The following CTIF variants were observed in gnomAD, a reference collection of about 807,000 sequenced individuals.
The protein encoded by CTIF is cap binding complex dependent translation initiation factor.
A neutral mutation model predicts 66.0 loss-of-function variants in CTIF; 21 were observed. That is an observed-to-expected ratio of 0.32 (90% confidence interval 0.23 to 0.46). The LOEUF (loss-of-function observed/expected upper bound fraction) is 0.46, where lower values mean the gene tolerates loss of function less well. Ranked by LOEUF, CTIF falls within the 20% of genes least tolerant of loss-of-function variation. The pLI is 1.00. For missense variants in CTIF, 739 were observed against 812.7 expected, an observed-to-expected ratio of 0.91 and a Z score of 1.10; for synonymous variants, 345 against 326.4, an observed-to-expected ratio of 1.06 and a Z score of -0.62.
intron 9 of CTIF, among the ~76,000 whole-genome samples, chr18:48,794,775 C>G (rs2067874208): frequency 6.6e-6 from 1 of 152,146 alleles, no homozygotes; most frequent in Non-Finnish European, 1.5e-5. Context: ...CCTGATTGTT[C>G]AGCAGATTTC....
chr18:48,756,062 A>G (rs984247429), intron 7 of CTIF: 29 of 152,318 alleles, frequency 1.9e-4, no homozygotes, highest in African/African-American at 6.7e-4. Flanking sequence ...GAGCCCCAAC[A>G]AAAGTCCACT....
chr18:48,644,447 C>A (rs977722054), intron 3 of CTIF, among the ~76,000 whole-genome samples: 2 of 152,234 alleles, frequency 1.3e-5, no homozygotes, highest in African/African-American at 4.8e-5. Flanking sequence ...TTCCCCTTAA[C>A]ATTCCTCCCA....
chr18:48,649,119 G>T (rs1284310568), intron 3 of CTIF, among the ~76,000 whole-genome samples: 2 of 152,184 alleles, frequency 1.3e-5, no homozygotes, highest in African/African-American at 4.8e-5. Context: ...AGTGGACGCA[G>T]CCCACAGAAG....
chr18:48,855,577 T>C (rs547683714), intron 10 of CTIF, among the ~76,000 whole-genome samples: 1 of 152,292 alleles, frequency 6.6e-6, no homozygotes, highest in East Asian at 1.9e-4. Flanking sequence ...GCGTCCAACA[T>C]CTCCTAAGCG....
At chr18:48,796,156 C>A (rs550591594) in intron 9 of CTIF, among the ~76,000 whole-genome samples, 3 of 152,040 alleles carry the variant, frequency 2.0e-5, no homozygotes, top group African/African-American at 7.3e-5. Flanking sequence ...CCACCATGCC[C>A]GGCTAATTTT....
In CTIF at chr18:48,761,635, G is replaced by A. The variant is rs777040402; in HGVS notation, c.1317G>A (p.Ala439=). 1.7e-5 allele frequency: 27 copies of A among 1,613,934 alleles called. No individual in the cohort carries two copies. The highest frequency in any genetic ancestry group is 1.6e-4 in the Middle Eastern group (1 of 6,082). ...CTGCCAAGCTCTGCGACAAGATGGC[G>A]CTCTTTATGGTGGAGGGGACCAAGT... ...FTAAKLCDKM[A]LFMVEGTKFR... Residue 439 remains alanine (A), a synonymous_variant, in exon 9 of 12, where the codon GCG becomes GCA. Transcript: ENST00000256413. The surrounding 1 kb of genome is among the most constrained non-coding windows in gnomAD (Gnocchi z 4.2).
intron 1 of CTIF, among the ~76,000 whole-genome samples, chr18:48,602,846 G>GATGA (rs1162158912): frequency 7.4e-6 from 1 of 135,272 alleles, no homozygotes; most frequent in Non-Finnish European, 1.6e-5. Flanking sequence ...TGGATGGATG[G>GATGA]ATGAATGGAT....
intron 9 of CTIF, among the ~76,000 whole-genome samples, chr18:48,771,340 A>G (rs1910094414): frequency 6.6e-6 from 1 of 152,224 alleles, no homozygotes; most frequent in South Asian, 2.1e-4. Context: ...TTCATCAGGC[A>G]TCAGCTGGCT....
At position 48,813,389 on chromosome 18, in the gene CTIF, T is replaced by C. The variant is rs371598219; in HGVS notation, c.1372-3832T>C. Among the ~76,000 whole-genome samples the C allele has an allele frequency of 1.4e-3, 206 of 152,378 alleles. 7 individuals are homozygous for C. In the South Asian group the frequency reaches 0.042, roughly 31 times the overall value. On this transcript the variant is annotated intron_variant, in intron 9 of 11. Transcript: ENST00000256413. Reference sequence around the variant, plus strand: ...ATTAATATGTTCAGAGTTACACATTTCCATTAAGTTTTCACGACACTGCTC... The same window carrying C: ...ATTAATATGTTCAGAGTTACACATTCCCATTAAGTTTTCACGACACTGCTC...
rs573239698 is a variant in CTIF, at chr18:48,749,732, T to C, written c.585-8187T>C. On this transcript the variant is annotated intron_variant, in intron 7 of 11. Transcript: ENST00000256413. ...TAAGGCACAGAGCAGTTAAGGAACT[T>C]GCCCAAAGTTGCACAGCTAAAAGTG... 1.1e-4 allele frequency among the ~76,000 whole-genome samples: 16 copies of C among 152,354 alleles called. No individual in the cohort carries two copies. The South Asian group carries it at 1.9e-3, about 18-fold the overall frequency.
chr18:48,712,925 G>T (rs190580948), intron 7 of CTIF, among the ~76,000 whole-genome samples: 1 of 152,346 alleles, frequency 6.6e-6, no homozygotes, highest in Admixed American at 6.5e-5. Context: ...TGTATAAGTA[G>T]CTTGGGAAGA....
At chr18:48,687,699 G>A (rs566425627) in intron 6 of CTIF, among the ~76,000 whole-genome samples, 54 of 152,306 alleles carry the variant, frequency 3.5e-4, no homozygotes, top group African/African-American at 1.3e-3. Context: ...CCAGAGAATC[G>A]TTGCTGAAAT....
chr18:48,601,513 G>A (rs1366437571), intron 1 of CTIF, among the ~76,000 whole-genome samples: 2 of 152,208 alleles, frequency 1.3e-5, no homozygotes, highest in East Asian at 3.9e-4. Context: ...AAAACATCTG[G>A]CCAGCCTCAT....
chr18:48,725,535 C>T (rs1472660192), intron 7 of CTIF, among the ~76,000 whole-genome samples: 1 of 152,136 alleles, frequency 6.6e-6, no homozygotes, highest in Admixed American at 6.5e-5. Flanking sequence ...CCACCACCCC[C>T]TTAGGGTGAG....
rs371237868 is a variant in CTIF at position 48,862,406 on chromosome 18, G to A, written c.*2847G>A. 10 of 152,690 alleles carry A rather than the reference G, an allele frequency of 6.5e-5. No individual in the cohort carries two copies. Among genetic ancestry groups the A allele is most frequent in the Admixed American group, 3.9e-4 (6 of 15,298 alleles). 9.5% of individuals were successfully genotyped at this position (152,690 alleles called of 1,614,324 possible). ...GTTAGTCATTGTTTTTCTCCGAGGC[G>A]GCCTGCTTGCCACAGCCCTGCTCCC... On this transcript the variant is annotated 3_prime_UTR_variant, in exon 12 of 12. Coordinates refer to ENST00000256413, the MANE Select transcript of CTIF (RefSeq NM_014772.3).
chr18:48,830,860 C>G (rs1306379600), intron 10 of CTIF, among the ~76,000 whole-genome samples: 1 of 152,036 alleles, frequency 6.6e-6, no homozygotes, highest in Non-Finnish European at 1.5e-5. Context: ...TGTCTCTCAA[C>G]TAGCATGGAA....
intron 9 of CTIF, among the ~76,000 whole-genome samples, chr18:48,805,033 C>A (rs528821379): frequency 4.7e-4 from 71 of 152,318 alleles, no homozygotes; most frequent in African/African-American, 1.7e-3. Flanking sequence ...AAATCCTTTT[C>A]TGTAAGGATT....
chr18:48,602,776 T>G (rs1267529699), intron 1 of CTIF, among the ~76,000 whole-genome samples: 1 of 152,214 alleles, frequency 6.6e-6, no homozygotes, highest in Non-Finnish European at 1.5e-5. Context: ...GTTTTTTAAA[T>G]GGACATATGG....
intron 1 of CTIF, among the ~76,000 whole-genome samples, chr18:48,550,000 A>T (rs1370727586): frequency 6.6e-6 from 1 of 152,042 alleles, no homozygotes; most frequent in Non-Finnish European, 1.5e-5. Flanking sequence ...GTTTTTTTAA[A>T]ATCTCACCCC....
Sources: allele counts gnomAD v4.1 joint callset (sites outside exome capture counted in the v4.1 genomes callset), GRCh38; gene constraint gnomAD v4.1.1; non-coding constraint Gnocchi (gnomAD v3.1); transcripts MANE v1.5; gene names NCBI Gene and HGNC (gene_info 2026-07-23, HGNC 2026-07-21).